Variants in DDX3X observed in about 807,000 individuals in gnomAD.
The protein encoded by DDX3X is DEAD-box helicase 3 X-linked.
DDX3X carries 4 observed loss-of-function variants against 52.7 expected under a neutral mutation model. The observed-to-expected ratio is 0.08, with a 90% CI of 0.04 to 0.17. The LOEUF (loss-of-function observed/expected upper bound fraction) is 0.17. DDX3X is among the 10% of genes least tolerant of loss of function. The pLI, the probability that DDX3X is intolerant of heterozygous loss-of-function variation, is 1.00. For synonymous variants in DDX3X, 192 were observed against 178.1 expected, an observed-to-expected ratio of 1.08 and a Z score of -0.62; for missense variants, 222 against 548.6, an observed-to-expected ratio of 0.40 and a Z score of 5.95.
In DDX3X at chrX:41,334,173, T is replaced by A; in HGVS notation, c.-80T>A. 1 of 1,049,354 alleles carries A rather than the reference T, an allele frequency of 9.5e-7. No homozygotes were observed. The highest frequency in any genetic ancestry group is 1.3e-6 in the Non-Finnish European group (1 of 761,093). 86.5% of individuals were successfully genotyped at this position (1,049,354 alleles called of 1,213,427 possible). ...GCGCGGTGCGCTCCAGAGCCGCAGT[T>A]CTCCCGTGAGAGGGCCTTCGCGGTG... On this transcript the variant is annotated 5_prime_UTR_variant, in exon 1 of 17. Coordinates refer to ENST00000644876, the MANE Select transcript of DDX3X (RefSeq NM_001356.5).
chrX:41,347,612 TTC>T (rs771998465), intron 16 of DDX3X, 26 bp from the exon 17 acceptor site: 14 of 1,148,627 alleles, frequency 1.2e-5, no homozygotes, highest in Admixed American at 4.7e-5. Flanking sequence ...CTTCATTAAT[TTC>T]TCTCTCTTTT....
intron 1 of DDX3X, 145 bp from the exon 2 acceptor site, chrX:41,337,263 T>A: frequency 2.0e-6 from 1 of 497,527 alleles, no homozygotes. Flanking sequence ...TTAGTCACAT[T>A]CTCATTAAGG....
rs188790624 is a variant in DDX3X, at chrX:41,334,493, C to T, written c.45+196C>T. 98,705 of 1,095,003 alleles carry T rather than the reference C, an allele frequency of 0.09. 3,370 individuals carry two copies. Among genetic ancestry groups the T allele is most frequent in the East Asian group, 0.15 (4,452 of 29,849 alleles). 90.2% of individuals were successfully genotyped at this position (1,095,003 alleles called of 1,213,427 possible). ...CTGTCGCCCGGGCCCGGTCTCGGCC[C>T]GCTGTATTGTCCCCGGGACGAGCAC... On this transcript the variant is annotated intron_variant, in intron 1 of 16. Coordinates refer to ENST00000644876, the MANE Select transcript of DDX3X (RefSeq NM_001356.5).
At chrX:41,335,941 G>C (rs190796019) in intron 1 of DDX3X, 25 of 112,432 alleles carry the variant, frequency 2.2e-4, no homozygotes, top group African/African-American at 7.4e-4. Context: ...AAGTGCAAAA[G>C]GAAAGTTTGT....
chrX:41,353,297 C>CAAAAAAAAAAAAAA, downstream of DDX3X, among the ~76,000 whole-genome samples: 1 of 46,032 alleles, frequency 2.2e-5, no homozygotes, highest in Non-Finnish European at 4.0e-5. Flanking sequence ...ACTAAAAATA[C>CAAAAAAAAAAAAAA]AAAAAAAAAA....
At position 41,348,205 on chromosome X, in the gene DDX3X, A is replaced by G. The variant is rs1456807873; in HGVS notation, c.*486A>G. On this transcript the variant is annotated 3_prime_UTR_variant, in exon 17 of 17. Transcript: ENST00000644876. ...ATTCATCCATAAATAATATAAGGAA[A>G]AACTTATGCGGTAGCCTGCATTAGG... The G allele has an allele frequency of 4.9e-6, 1 of 203,768 alleles. No homozygotes were observed. The highest frequency in any genetic ancestry group is 8.9e-6 in the Non-Finnish European group (1 of 112,386). 16.8% of individuals were successfully genotyped at this position (203,768 alleles called of 1,213,427 possible). A position where few individuals can be genotyped will look rare whatever the true frequency, so the allele number is the denominator to read the frequency against.
chrX:41,344,929 C>G (rs1262866468), intron 10 of DDX3X, among the ~76,000 whole-genome samples: 1 of 111,709 alleles, frequency 9.0e-6, no homozygotes, highest in Non-Finnish European at 1.9e-5. Flanking sequence ...AGACTTACAA[C>G]AATGATCAGC....
intron 2 of DDX3X, 187 bp downstream of exon 2, chrX:41,337,652 T>G (rs1363556208): frequency 2.7e-6 from 1 of 377,295 alleles, no homozygotes. Context: ...CTTTTTTTTT[T>G]TTTTTTGGTT....
downstream of DDX3X, among the ~76,000 whole-genome samples, chrX:41,354,645 A>C (rs1427948055): frequency 9.1e-6 from 1 of 110,025 alleles, no homozygotes; most frequent in African/African-American, 3.3e-5. Context: ...TTTAAATCGT[A>C]TCTGTCCCCT....
chrX:41,334,586 G>T, intron 1 of DDX3X: 1 of 1,084,910 alleles, frequency 9.2e-7, no homozygotes, highest in African/African-American at 1.8e-5. Flanking sequence ...CTCTCGCGGG[G>T]ACGCGCATGC....
chrX:41,362,083 C>CTTTT lies in DDX3X; in HGVS notation c.655-2172_655-2169dup, dbSNP rs1176759189. Among the ~76,000 whole-genome samples, 30 of 72,705 alleles carry CTTTT rather than the reference C, an allele frequency of 4.1e-4. 1 individual carries two copies. Among genetic ancestry groups the CTTTT allele is most frequent in the East Asian group, 3.2e-3 (6 of 1,872 alleles). 63.1% of individuals were successfully genotyped at this position (72,705 alleles called of 115,157 possible). On this transcript the variant is annotated intron_variant, in intron 5 of 5. Coordinates refer to the DDX3X transcript ENST00000616050. ...CTAAAATCCTGAGCCAAATAATTAACTTTTTTTTTTTTTTTTTTTTTTGAG... is the reference window on the plus strand; with the variant it reads ...CTAAAATCCTGAGCCAAATAATTAACTTTTTTTTTTTTTTTTTTTTTTTTTTGAG...
Position 41,349,007 on chromosome X carries a change from T to C in DDX3X, c.*1288T>C, listed in dbSNP as rs762261667. ...TGTTTATGCTAAATCTGGCCAAAGA[T>C]GAGCATTGTCCACCACTAAAATGCC... is the stretch of plus-strand genomic sequence containing the variant. On this transcript the variant is annotated 3_prime_UTR_variant, in exon 17 of 17. Transcript: ENST00000644876. 3.1e-4 allele frequency: 35 copies of C among 112,410 alleles called. No homozygotes were observed. The highest frequency in any genetic ancestry group is 2.8e-3 in the Admixed American group (29 of 10,452). The allele number at this position is 112,410 out of a possible 1,213,427, so 9.3% of individuals were successfully genotyped here.
intron 1 of DDX3X, chrX:41,335,444 G>A (rs1008390973): frequency 9.0e-5 from 10 of 111,258 alleles, no homozygotes; most frequent in Non-Finnish European, 1.1e-4. Context: ...TCTTCTAAGG[G>A]TTTAGGGGCA....
At chrX:41,357,041 C>T (rs2064012395) in intron 5 of DDX3X, among the ~76,000 whole-genome samples, 1 of 102,475 alleles carries the variant, frequency 9.8e-6, no homozygotes, top group African/African-American at 3.6e-5. Flanking sequence ...TCAAGCGATT[C>T]TCCTGCCTCA....
At chrX:41,363,298 G>A (rs2064036473) in intron 5 of DDX3X, among the ~76,000 whole-genome samples, 4 of 110,778 alleles carry the variant, frequency 3.6e-5, no homozygotes, top group Admixed American at 9.7e-5. Context: ...GGTGGCAGGC[G>A]CCTGTAGTCC....
At chrX:41,351,370 G>A (rs955181220), downstream of DDX3X, 2 of 112,084 alleles carry the variant, frequency 1.8e-5, no homozygotes, top group Non-Finnish European at 3.8e-5. Flanking sequence ...GGGCACTGTT[G>A]ATGTGTTTCC....
intron 1 of DDX3X, chrX:41,334,570 C>T (rs1158938575): frequency 1.8e-6 from 2 of 1,083,715 alleles, no homozygotes; most frequent in Admixed American, 3.2e-5. Flanking sequence ...GGAGGAAGTG[C>T]GCGCGCTCTC....
At chrX:41,345,817 A>G (rs777828445) in intron 12 of DDX3X, 97 of 286,480 alleles carry the variant, frequency 3.4e-4, no homozygotes, top group Middle Eastern at 2.9e-3. Context: ...GACTTAGACA[A>G]TCCTCCTGCC....
At chrX:41,358,065 CTTTTTTTTTT>C (rs59380932) in intron 5 of DDX3X, 7 of 45,974 alleles carry the variant, frequency 1.5e-4, no homozygotes, top group South Asian at 1.5e-3. Flanking sequence ...GATAGACACT[CTTTTTTTTTT>C]TTTTTTTTTT....
Sources: gnomAD v4.1 joint callset for allele counts (sites outside exome capture counted in the v4.1 genomes callset) on GRCh38, gnomAD v4.1.1 for gene constraint, MANE v1.5 for transcripts, NCBI Gene and HGNC (gene_info 2026-07-23, HGNC 2026-07-21) for gene names.